Variants in DLC1 observed in about 807,000 individuals in gnomAD.
DLC1 encodes the protein rho GTPase-activating protein 7.
Under a neutral mutation model 140.3 loss-of-function variants are expected in DLC1, and 54 were observed. That is an observed-to-expected ratio of 0.38 (90% CI 0.31 to 0.48). DLC1 has a LOEUF of 0.48. Ranked by LOEUF, DLC1 falls within the 20% of genes least tolerant of loss-of-function variation. The pLI is 0.96. For missense variants in DLC1, 2,536 were observed against 1,907.0 expected (o/e 1.33, Z -6.14); for synonymous variants, 986 against 728.1 (o/e 1.35, Z -5.70).
chr8:13,590,217 C>A (rs991728624), intron 1 of DLC1, among the ~76,000 whole-genome samples: 1 of 151,968 alleles, frequency 6.6e-6, no homozygotes, highest in Non-Finnish European at 1.5e-5. Flanking sequence ...CTCTCAACAT[C>A]CTTGAATATC....
chr8:13,508,660 T>C (rs552456695), intron 1 of DLC1, among the ~76,000 whole-genome samples: 94 of 152,050 alleles, frequency 6.2e-4, no homozygotes, highest in Non-Finnish European at 1.0e-3. Flanking sequence ...CCTCGTGATC[T>C]GCCCACCTCG....
intron 5 of DLC1, among the ~76,000 whole-genome samples, chr8:13,193,970 A>G (rs1826908769): frequency 6.6e-6 from 1 of 152,170 alleles, no homozygotes; most frequent in Non-Finnish European, 1.5e-5. Context: ...GTGCTTCTTT[A>G]TTAGCATTTT....
chr8:13,133,976 T>TG (rs1406433308), intron 5 of DLC1, among the ~76,000 whole-genome samples: 1 of 152,202 alleles, frequency 6.6e-6, no homozygotes, highest in Non-Finnish European at 1.5e-5. Flanking sequence ...CGGCACGTGC[T>TG]GGGGGTCACA....
intron 5 of DLC1, among the ~76,000 whole-genome samples, chr8:13,143,986 G>C (rs1425399455): frequency 1.3e-5 from 2 of 152,180 alleles, no homozygotes; most frequent in Non-Finnish European, 1.5e-5. Context: ...CGGCCGGAGA[G>C]ACCCTGTGAT....
At chr8:13,095,887 C>G (rs527558965) in intron 10 of DLC1, 4 of 152,312 alleles carry the variant, frequency 2.6e-5, no homozygotes, top group Admixed American at 2.0e-4. Context: ...GACCTGAAGT[C>G]AAAATAAAAT....
chr8:13,457,260 A>T (rs188544551), intron 2 of DLC1, among the ~76,000 whole-genome samples: 4 of 152,328 alleles, frequency 2.6e-5, no homozygotes, highest in African/African-American at 9.6e-5. Flanking sequence ...ATTTTGTTGA[A>T]TTATATAAAA....
At chr8:13,208,113 C>T (rs1326421366) in intron 5 of DLC1, among the ~76,000 whole-genome samples, 2 of 152,150 alleles carry the variant, frequency 1.3e-5, no homozygotes, top group Non-Finnish European at 2.9e-5. Flanking sequence ...AAGGACTTCT[C>T]AGTGAGCAAC....
chr8:13,401,387 G>C, intron 3 of DLC1, 83 bp downstream of exon 3: 1 of 1,522,314 alleles, frequency 6.6e-7, no homozygotes, highest in South Asian at 1.3e-5. Context: ...CCATTAACAA[G>C]GATGTTGCCT....
At chr8:13,446,111 A>G (rs1475064499) in intron 2 of DLC1, among the ~76,000 whole-genome samples, 7 of 152,172 alleles carry the variant, frequency 4.6e-5, no homozygotes, top group Admixed American at 3.3e-4. Flanking sequence ...GAAAAATCAC[A>G]TCAAGACAAA....
intron 6 of DLC1, among the ~76,000 whole-genome samples, chr8:13,115,002 T>G (rs916314461): frequency 1.3e-5 from 2 of 152,186 alleles, no homozygotes; most frequent in Admixed American, 1.3e-4. Flanking sequence ...TCATTATGCA[T>G]GTACCACAAA....
At chr8:13,366,181 C>G (rs1453423400) in intron 4 of DLC1, among the ~76,000 whole-genome samples, 1 of 152,186 alleles carries the variant, frequency 6.6e-6, no homozygotes, top group East Asian at 1.9e-4. Flanking sequence ...CCTGGAATTC[C>G]TATTGGGAGC....
chr8:13,336,440 A>G (rs1466304222), intron 4 of DLC1, among the ~76,000 whole-genome samples: 2 of 152,224 alleles, frequency 1.3e-5, no homozygotes, highest in African/African-American at 2.4e-5. Flanking sequence ...CTCTCAAAAC[A>G]AAGAAGTATT....
At chr8:13,201,283 T>TAA (rs756887474) in intron 5 of DLC1, among the ~76,000 whole-genome samples, 2 of 152,166 alleles carry the variant, frequency 1.3e-5, no homozygotes, top group African/African-American at 2.4e-5. Flanking sequence ...AATTGTCAAA[T>TAA]ATATTGTGTC....
chr8:13,403,714 C>T (rs574041128), intron 2 of DLC1, among the ~76,000 whole-genome samples: 6 of 151,546 alleles, frequency 4.0e-5, no homozygotes, highest in South Asian at 2.1e-4. Context: ...GATGTTGGCT[C>T]GCTGCAGCCT....
chr8:13,192,464 G>C (rs1362482511), intron 5 of DLC1, among the ~76,000 whole-genome samples: 1 of 152,102 alleles, frequency 6.6e-6, no homozygotes, highest in East Asian at 1.9e-4. Flanking sequence ...ATCTCTTTTG[G>C]CAATTTCCCA....
chr8:13,392,463 C>G (rs951203851), intron 4 of DLC1, among the ~76,000 whole-genome samples: 1 of 152,066 alleles, frequency 6.6e-6, no homozygotes, highest in Non-Finnish European at 1.5e-5. Context: ...ATTCTTCTTG[C>G]AATTGCAGCA....
chr8:13,127,662 C>A (rs1431137885), intron 5 of DLC1, among the ~76,000 whole-genome samples: 2 of 152,234 alleles, frequency 1.3e-5, no homozygotes, highest in Admixed American at 6.5e-5. Context: ...CATTTCACTT[C>A]TGAAGTCTCT....
At chr8:13,360,086 G>C (rs138007867) in intron 4 of DLC1, among the ~76,000 whole-genome samples, 1 of 152,214 alleles carries the variant, frequency 6.6e-6, no homozygotes, top group African/African-American at 2.4e-5. Flanking sequence ...CCCCACAGGA[G>C]ACAGACAAGC....
At chr8:13,573,733 A>G (rs1012924946) in intron 1 of DLC1, among the ~76,000 whole-genome samples, 1 of 152,184 alleles carries the variant, frequency 6.6e-6, no homozygotes, top group African/African-American at 2.4e-5. Flanking sequence ...GCTTAAATCC[A>G]ACATTTGTGC....
Sources: allele counts gnomAD v4.1 joint callset (sites outside exome capture counted in the v4.1 genomes callset), GRCh38; gene constraint gnomAD v4.1.1; transcripts MANE v1.5; gene names NCBI Gene and HGNC (gene_info 2026-07-23, HGNC 2026-07-21).